Variants in CNTN4 observed in about 807,000 individuals in gnomAD.
CNTN4 encodes contactin 4.
A neutral mutation model predicts 122.5 loss-of-function variants in CNTN4; 77 were observed. That is an observed-to-expected ratio of 0.63 (90% CI 0.52 to 0.76). The LOEUF is 0.76. Ranked by LOEUF, CNTN4 falls within the 30% of genes least tolerant of loss-of-function variation. The pLI is 0.00. For missense variants in CNTN4, 1,256 were observed against 1,259.1 expected, an observed-to-expected ratio of 1.00 and a Z score of 0.04; for synonymous variants, 512 against 447.0, an observed-to-expected ratio of 1.15 and a Z score of -1.83.
intron 4 of CNTN4, among the ~76,000 whole-genome samples, chr3:2,654,028 C>A (rs1576353488): frequency 6.6e-6 from 1 of 152,124 alleles, no homozygotes; most frequent in Admixed American, 6.5e-5. Flanking sequence ...TGTTTTGTTG[C>A]CCTTGGTAGA....
At chr3:2,684,286 G>C (rs1190780270) in intron 4 of CNTN4, among the ~76,000 whole-genome samples, 1 of 152,166 alleles carries the variant, frequency 6.6e-6, no homozygotes, top group East Asian at 1.9e-4. Context: ...AAAGAGCTAA[G>C]AAGGCAGGGA....
At position 2,176,166 on chromosome 3, in the gene CNTN4, A is replaced by T. The variant is rs138021418; in HGVS notation, c.-145+75527A>T. Among the ~76,000 whole-genome samples, 785 of 152,304 alleles carry T rather than the reference A, an allele frequency of 5.2e-3. 5 individuals are homozygous for T. The highest frequency in any genetic ancestry group is 0.017 in the Middle Eastern group (5 of 294). On this transcript the variant is annotated intron_variant, in intron 2 of 24. Coordinates refer to ENST00000418658, the MANE Select transcript of CNTN4 (RefSeq NM_175607.3). ...AGAACATGCATTAACTATGTAGCCAATGACAGGCCTTCTAGGATGAGCAGA... is the reference window on the plus strand; with the variant it reads ...AGAACATGCATTAACTATGTAGCCATTGACAGGCCTTCTAGGATGAGCAGA...
chr3:2,736,420 T>C lies in CNTN4; in HGVS notation c.182+79T>C, dbSNP rs1576614408. The C allele has an allele frequency of 4.8e-6, 5 of 1,043,308 alleles. No individual in the cohort carries two copies. The African/African-American group carries it at 4.9e-5, about 10-fold the overall frequency. The allele number at this position is 1,043,308 out of a possible 1,614,324, so 64.6% of individuals were successfully genotyped here. ...TCAACAAATACTTATACAATGCTGG[T>C]TACATAAAGAGCTTTTATTTATTTA... On this transcript the variant is annotated intron_variant, in intron 5 of 24. Coordinates refer to ENST00000418658, the MANE Select transcript of CNTN4 (RefSeq NM_175607.3).
intron 2 of CNTN4, among the ~76,000 whole-genome samples, chr3:2,156,963 A>G (rs2035749488): frequency 6.6e-6 from 1 of 152,132 alleles, no homozygotes; most frequent in South Asian, 2.1e-4. Flanking sequence ...TCTCATCTGC[A>G]TGTCTGTACC....
At chr3:2,406,545 C>G (rs1047297903) in intron 3 of CNTN4, among the ~76,000 whole-genome samples, 2 of 152,140 alleles carry the variant, frequency 1.3e-5, no homozygotes, top group Non-Finnish European at 2.9e-5. Flanking sequence ...AGGTATGAAC[C>G]TTGGAGAAGC....
chr3:2,540,935 G>A (rs1212849348), intron 3 of CNTN4, among the ~76,000 whole-genome samples: 1 of 152,104 alleles, frequency 6.6e-6, no homozygotes, highest in Non-Finnish European at 1.5e-5. Flanking sequence ...TGTTATATTG[G>A]CGAGTACAGA....
intron 12 of CNTN4, among the ~76,000 whole-genome samples, chr3:2,923,851 T>G (rs2094450094): frequency 6.6e-6 from 1 of 152,210 alleles, no homozygotes; most frequent in Admixed American, 6.5e-5. Flanking sequence ...ACATAAATAT[T>G]GAGTAGGTGT....
At chr3:2,370,728 G>A (rs1040043618) in intron 3 of CNTN4, among the ~76,000 whole-genome samples, 10 of 152,120 alleles carry the variant, frequency 6.6e-5, no homozygotes, top group Non-Finnish European at 1.2e-4. Context: ...AACCAGTATT[G>A]ATGAATTTTT....
intron 8 of CNTN4, among the ~76,000 whole-genome samples, chr3:2,873,517 A>G (rs972524707): frequency 1.3e-5 from 2 of 152,224 alleles, no homozygotes; most frequent in Non-Finnish European, 2.9e-5. Flanking sequence ...ATTTAAGACC[A>G]AAGGAGACCT....
intron 3 of CNTN4, among the ~76,000 whole-genome samples, chr3:2,469,636 TG>T (rs1258961137): frequency 6.6e-6 from 1 of 152,214 alleles, no homozygotes; most frequent in Non-Finnish European, 1.5e-5. Context: ...ATCTGCTGTT[TG>T]GAGGGAATGG....
chr3:2,373,403 G>C (rs750415973), intron 3 of CNTN4, among the ~76,000 whole-genome samples: 1 of 152,200 alleles, frequency 6.6e-6, no homozygotes, highest in Non-Finnish European at 1.5e-5. Flanking sequence ...GCCGTGAATC[G>C]AGTACGTACA....
chr3:2,704,154 A>G (rs1267900490), intron 4 of CNTN4, among the ~76,000 whole-genome samples: 2 of 151,696 alleles, frequency 1.3e-5, no homozygotes, highest in Non-Finnish European at 2.9e-5. Context: ...AAAATTAGCC[A>G]GGTGTGGTGG....
At chr3:2,304,953 C>A (rs1290182574) in intron 2 of CNTN4, among the ~76,000 whole-genome samples, 2 of 151,080 alleles carry the variant, frequency 1.3e-5, no homozygotes, top group Non-Finnish European at 3.0e-5. Context: ...ATTCATAAGC[C>A]ACTAATAAGG....
chr3:2,666,955 G>A (rs1378666493), intron 4 of CNTN4, among the ~76,000 whole-genome samples: 1 of 151,994 alleles, frequency 6.6e-6, no homozygotes, highest in Admixed American at 6.6e-5. Context: ...ATTCCATGGT[G>A]TATATGTGCC....
At chr3:2,783,162 G>A (rs2091675481) in intron 6 of CNTN4, among the ~76,000 whole-genome samples, 1 of 151,280 alleles carries the variant, frequency 6.6e-6, no homozygotes, top group Non-Finnish European at 1.5e-5. Context: ...GGTGGTACAT[G>A]TCTGTAGTCC....
At chr3:2,288,299 T>G (rs1331125780) in intron 2 of CNTN4, among the ~76,000 whole-genome samples, 1 of 152,086 alleles carries the variant, frequency 6.6e-6, no homozygotes, top group African/African-American at 2.4e-5. Context: ...CTGCTTCCAC[T>G]CATTGTGGAA....
At chr3:2,698,429 C>A (rs578083458) in intron 4 of CNTN4, among the ~76,000 whole-genome samples, 1 of 152,090 alleles carries the variant, frequency 6.6e-6, no homozygotes, top group East Asian at 1.9e-4. Flanking sequence ...TGACTTCATG[C>A]GGACCACGCC....
At chr3:2,377,473 G>GCTTT (rs2045864292) in intron 3 of CNTN4, among the ~76,000 whole-genome samples, 2 of 152,198 alleles carry the variant, frequency 1.3e-5, no homozygotes, top group South Asian at 2.1e-4. Context: ...CCCTGTGAAA[G>GCTTT]CTTTCCTCTC....
In CNTN4 at chr3:2,629,222, G is replaced by A. The variant is rs1417608624; in HGVS notation, c.55+57664G>A. Among the ~76,000 whole-genome samples the A allele has an allele frequency of 1.1e-4, 16 of 152,072 alleles. 1 individual carries two copies. The highest frequency in any genetic ancestry group is 1.5e-5 in the Non-Finnish European group (1 of 68,030). On this transcript the variant is annotated intron_variant, in intron 4 of 24. Transcript: ENST00000418658. ...ACATACACAGAAAAGGCCCTGTGGGGACACAAAGAGAAGGTGGCCATCTGC... is the reference window on the plus strand; with the variant it reads ...ACATACACAGAAAAGGCCCTGTGGGAACACAAAGAGAAGGTGGCCATCTGC...
Sources: gnomAD v4.1 joint callset for allele counts (sites outside exome capture counted in the v4.1 genomes callset) on GRCh38, gnomAD v4.1.1 for gene constraint, MANE v1.5 for transcripts, NCBI Gene and HGNC (gene_info 2026-07-23, HGNC 2026-07-21) for gene names.